MID1: variants seen among roughly 807,000 people sequenced by gnomAD.
The protein encoded by MID1 is midline 1, also known as E3 ubiquitin-protein ligase Midline-1.
A neutral mutation model predicts 40.4 loss-of-function variants in MID1; 7 were observed. The observed-to-expected ratio is 0.17, with a 90% confidence interval of 0.10 to 0.33. The LOEUF is 0.33. Ranked by LOEUF, MID1 falls within the 10% of genes least tolerant of loss-of-function variation. MID1 has a pLI of 1.00. For missense variants in MID1, 367 were observed against 558.5 expected, an observed-to-expected ratio of 0.66 and a Z score of 3.46; for synonymous variants, 229 against 221.2, an observed-to-expected ratio of 1.04 and a Z score of -0.31.
intron 3 of MID1, chrX:10,501,495 T>A: frequency 1.7e-6 from 2 of 1,152,778 alleles, no homozygotes; most frequent in Non-Finnish European, 2.3e-6. Context: ...GCTGACCCAC[T>A]TTCTCCTATT....
At chrX:10,656,894 A>T (rs1167471496) in intron 1 of MID1, among the ~76,000 whole-genome samples, 2 of 111,243 alleles carry the variant, frequency 1.8e-5, no homozygotes, top group Non-Finnish European at 3.8e-5. Context: ...GATTCTCAAT[A>T]TCAACCAGAT....
At chrX:10,756,045 C>G (rs759549969) in intron 1 of MID1, among the ~76,000 whole-genome samples, 2 of 112,273 alleles carry the variant, frequency 1.8e-5, no homozygotes, top group East Asian at 5.6e-4. Flanking sequence ...CACTAATTTT[C>G]TTGGTGACAT....
At chrX:10,807,245 A>C (rs1472949095) in intron 1 of MID1, among the ~76,000 whole-genome samples, 1 of 103,993 alleles carries the variant, frequency 9.6e-6, no homozygotes, top group East Asian at 2.9e-4. Context: ...GCTCTGTTTC[A>C]AAAAAAAAAA....
intron 1 of MID1, among the ~76,000 whole-genome samples, chrX:10,807,157 A>G (rs2044054065): frequency 9.1e-6 from 1 of 110,444 alleles, no homozygotes; most frequent in Admixed American, 9.7e-5. Context: ...AGGCAGGAGA[A>G]TTGCTTGAAC....
chrX:10,820,845 C>T (rs2044169338), intron 1 of MID1, among the ~76,000 whole-genome samples: 4 of 112,444 alleles, frequency 3.6e-5, no homozygotes, highest in Non-Finnish European at 7.5e-5. Context: ...TCATCACTAA[C>T]ACACCGTGTC....
intron 1 of MID1, among the ~76,000 whole-genome samples, chrX:10,648,177 G>C (rs1936281143): frequency 8.9e-6 from 1 of 112,035 alleles, no homozygotes; most frequent in African/African-American, 3.2e-5. Flanking sequence ...CTATGGTGTT[G>C]TTACAATGCC....
chrX:10,755,261 C>A (rs756947706), intron 1 of MID1, among the ~76,000 whole-genome samples: 11 of 111,742 alleles, frequency 9.8e-5, no homozygotes, highest in Non-Finnish European at 2.1e-4. Flanking sequence ...AAACAAAAAT[C>A]TACCTCCCTC....
chrX:10,733,542 G>A (rs752222748), intron 1 of MID1, among the ~76,000 whole-genome samples: 1 of 111,848 alleles, frequency 8.9e-6, no homozygotes, highest in South Asian at 3.7e-4. Flanking sequence ...AGAATATTGG[G>A]AAGACTATCA....
intron 8 of MID1, among the ~76,000 whole-genome samples, chrX:10,456,206 T>C (rs775564114): frequency 1.4e-4 from 16 of 112,315 alleles, no homozygotes; most frequent in Non-Finnish European, 2.8e-4. Flanking sequence ...CACATGTGGG[T>C]AGGCCAAAGG....
chrX:10,590,609 TA>T (rs1051398850), intron 1 of MID1, among the ~76,000 whole-genome samples: 2 of 110,492 alleles, frequency 1.8e-5, no homozygotes, highest in Non-Finnish European at 3.8e-5. Flanking sequence ...AAAATATATG[TA>T]AAAAAAAATG....
chrX:10,599,826 T>C (rs1181472959), intron 1 of MID1, among the ~76,000 whole-genome samples: 2 of 112,339 alleles, frequency 1.8e-5, no homozygotes, highest in Non-Finnish European at 3.8e-5. Context: ...TCTCTTCTAT[T>C]ATCATAAGAA....
At chrX:10,714,815 A>G (rs1048090624) in intron 1 of MID1, among the ~76,000 whole-genome samples, 1 of 111,974 alleles carries the variant, frequency 8.9e-6, no homozygotes, top group Non-Finnish European at 1.9e-5. Flanking sequence ...GAACAATATC[A>G]TCAGACAAAA....
In MID1 at chrX:10,660,797, T is replaced by G. The variant is rs780981548; in HGVS notation, c.-186-40378A>C. Among the ~76,000 whole-genome samples the G allele has an allele frequency of 8.9e-5, 10 of 112,107 alleles. No homozygotes were observed. In the East Asian group the frequency reaches 2.8e-3, roughly 31 times the overall value. On this transcript the variant is annotated intron_variant, in intron 1 of 10. Transcript: ENST00000380785. ...TTCCACAGCATCAATTCACACTGAT[T>G]AGACATAATTACAGAAACAAAATAT... is the stretch of plus-strand genomic sequence containing the variant.
chrX:10,831,011 A>AT (rs1355399710), intron 1 of MID1, among the ~76,000 whole-genome samples: 1 of 111,734 alleles, frequency 8.9e-6, no homozygotes, highest in Non-Finnish European at 1.9e-5. Flanking sequence ...TTAGCACATC[A>AT]TGACAGAGAA....
intron 2 of MID1, among the ~76,000 whole-genome samples, chrX:10,547,558 G>A (rs1933732775): frequency 2.8e-5 from 2 of 72,514 alleles, no homozygotes; most frequent in Admixed American, 3.6e-4. Flanking sequence ...GGAAACAAGA[G>A]TGAGACTCTG....
intron 7 of MID1, among the ~76,000 whole-genome samples, chrX:10,460,208 G>C (rs1181429673): frequency 8.9e-6 from 1 of 111,807 alleles, no homozygotes. Flanking sequence ...CCACTGCTCT[G>C]GAGAAAATAT....
chrX:10,482,197 T>C (rs1262341345), intron 5 of MID1, among the ~76,000 whole-genome samples: 1 of 112,006 alleles, frequency 8.9e-6, no homozygotes, highest in Non-Finnish European at 1.9e-5. Flanking sequence ...TGTGCCATCA[T>C]AAGCTCCCCC....
chrX:10,652,340 G>GT (rs929429814), intron 1 of MID1, among the ~76,000 whole-genome samples: 13 of 110,710 alleles, frequency 1.2e-4, no homozygotes, highest in African/African-American at 2.3e-4. Context: ...GTTATCCATG[G>GT]TTTTTTGTTG....
intron 1 of MID1, among the ~76,000 whole-genome samples, chrX:10,776,664 A>C (rs1346370578): frequency 1.8e-5 from 2 of 111,238 alleles, no homozygotes; most frequent in African/African-American, 6.5e-5. Context: ...CCATGAGTTC[A>C]AGACCAGCCT....
Sources: allele counts gnomAD v4.1 joint callset (sites outside exome capture counted in the v4.1 genomes callset), GRCh38; gene constraint gnomAD v4.1.1; transcripts MANE v1.5; gene names NCBI Gene and HGNC (gene_info 2026-07-23, HGNC 2026-07-21).